The following PARS2 variants were observed in gnomAD, a reference collection of about 807,000 sequenced individuals.
PARS2 encodes the protein prolyl-tRNA synthetase 2, mitochondrial.
In PARS2, 20 loss-of-function variants were observed where a neutral mutation model predicts 27.4. That is an observed-to-expected ratio of 0.73 (90% CI 0.51 to 1.06). The LOEUF (loss-of-function observed/expected upper bound fraction) is 1.06, where lower values mean the gene tolerates loss of function less well. Among genes scored for constraint, PARS2 ranks in the 50% least tolerant of loss-of-function variants. The probability of loss-of-function intolerance (pLI) is 0.00; values close to 1 mark genes in which losing one functional copy is unlikely to be tolerated. For missense variants in PARS2, 585 were observed against 602.1 expected, an observed-to-expected ratio of 0.97 and a Z score of 0.30; for synonymous variants, 240 against 247.1, an observed-to-expected ratio of 0.97 and a Z score of 0.27.
In PARS2 at chr1:54,758,775, T is replaced by C. The variant is rs765798606; in HGVS notation, c.387A>G (p.Gln129=). The C allele has an allele frequency of 4.3e-6, 7 of 1,614,182 alleles. No homozygotes were observed. The highest frequency in any genetic ancestry group is 5.9e-6 in the Non-Finnish European group (7 of 1,180,022). The stretch of plus-strand genomic sequence containing the variant: ...CCATCAAGTCCCACCGGTTGGTGGC[T>C]TGCCAGAGCTCTGCCGGGCTGAGGC... ...MPSLSPAELW[Q]ATNRWDLMGK... The change falls in exon 2 of 2, where the codon CAA becomes CAG. Residue 129 remains glutamine (Q), a synonymous_variant. Coordinates refer to ENST00000371279, the MANE Select transcript of PARS2 (RefSeq NM_152268.4).
chr1:54,761,066 C>T (rs58303070), intron 1 of PARS2, among the ~76,000 whole-genome samples: 22,675 of 152,164 alleles, frequency 0.15, 1,745 homozygotes, highest in Middle Eastern at 0.22. Context: ...GTGTGAGCCA[C>T]TGCGCCCGGC....
rs1198009265 is a variant in PARS2, at chr1:54,758,382, C to G, written c.780G>C (p.Gln260His). 15 of 1,614,160 alleles carry G rather than the reference C, an allele frequency of 9.3e-6. No homozygotes were observed. The highest frequency in any genetic ancestry group is 1.2e-5 in the Non-Finnish European group (14 of 1,180,036). The part of the protein sequence containing the change: ...TIGGTVSHEF[Q>H]LPVDIGEDRL... ...GGTCCTCTCCAATATCCACTGGGAG[C>G]TGGAACTCATGAGACACTGTGCCCC... Residue 260 changes from glutamine (Q) to histidine (H), a missense_variant, in exon 2 of 2, where the codon CAG (glutamine) becomes CAC (histidine). By Grantham distance (24) the Gln-to-His change is conservative (BLOSUM62 0). Transcript: ENST00000371279.
At position 54,757,663 on chromosome 1, in the gene PARS2, G is replaced by A. The variant is rs531233796; in HGVS notation, c.*71C>T. ...TTCTGGAGAGAGCAGTCCAGGAAAG[G>A]GGTGTAGGAAAATGCAGTGTTAGAA... On this transcript the variant is annotated 3_prime_UTR_variant, in exon 2 of 2. Transcript: ENST00000371279. 2.0e-6 allele frequency: 2 copies of A among 980,226 alleles called. No homozygotes were observed. Among genetic ancestry groups the A allele is most frequent in the South Asian group, 1.5e-5 (1 of 64,628 alleles). 60.7% of individuals were successfully genotyped at this position (980,226 alleles called of 1,614,324 possible).
At chr1:54,762,926 G>A (rs910487985) in intron 1 of PARS2, among the ~76,000 whole-genome samples, 2 of 152,076 alleles carry the variant, frequency 1.3e-5, no homozygotes, top group Non-Finnish European at 2.9e-5. Context: ...TCCAGTCTCC[G>A]TATTAGTCTC....
chr1:54,759,267 T>C, intron 1 of PARS2, 77 bp from the exon 2 acceptor site: 2 of 833,232 alleles, frequency 2.4e-6, no homozygotes, highest in Non-Finnish European at 3.6e-6. Flanking sequence ...CAGCCTGCTC[T>C]CAACAAACTT....
rs1301002317 is a variant in PARS2 at position 54,759,118 on chromosome 1, G to T, written c.44C>A (p.Ala15Asp). The change falls in exon 2 of 2, where the codon GCC becomes GAC. Residue 15 changes from alanine (A) to aspartate (D), a missense_variant. Coordinates refer to ENST00000371279, the MANE Select transcript of PARS2 (RefSeq NM_152268.4). ...LTRCRALPALATCSRQLSGYV... is the reference protein window; with the variant it reads ...LTRCRALPALDTCSRQLSGYV... ...CCCAGAGAGCTGGCGGCTGCAGGTG[G>T]CCAGGGCGGGCAATGCTCTGCATCT... The T allele has an allele frequency of 1.2e-6, 2 of 1,610,034 alleles. No individual in the cohort carries two copies. Among genetic ancestry groups the T allele is most frequent in the South Asian group, 2.2e-5 (2 of 90,820 alleles).
chr1:54,759,770 C>G (rs1365540646), intron 1 of PARS2, among the ~76,000 whole-genome samples: 1 of 152,028 alleles, frequency 6.6e-6, no homozygotes, highest in Admixed American at 6.6e-5. Flanking sequence ...TTTTGGGAGG[C>G]CAAGATGGGC....
At chr1:54,762,282 G>C (rs1468459730) in intron 1 of PARS2, among the ~76,000 whole-genome samples, 1 of 152,112 alleles carries the variant, frequency 6.6e-6, no homozygotes, top group Non-Finnish European at 1.5e-5. Flanking sequence ...GGAATTACAG[G>C]CATGTGCCAC....
intron 1 of PARS2, 123 bp downstream of exon 1, chr1:54,764,338 G>A (rs1009976567): frequency 6.6e-6 from 1 of 152,252 alleles, no homozygotes; most frequent in African/African-American, 2.4e-5. Context: ...CCAACTCAAG[G>A]ACGGGATGCA....
rs1227720404 is a variant in PARS2 at position 54,758,383 on chromosome 1, TG to T, written c.778del (p.Gln260SerfsTer26). Reference protein sequence around the residue: ...TIGGTVSHEFQLPVDIGEDRL... With the variant: ...TIGGTVSHEFXLPVDIGEDRL... ...GTCCTCTCCAATATCCACTGGGAGC[TG>T]GAACTCATGAGACACTGTGCCCCCG... On this transcript the variant is annotated frameshift_variant, in exon 2 of 2. Coordinates refer to ENST00000371279, the MANE Select transcript of PARS2 (RefSeq NM_152268.4). LOFTEE classifies it high-confidence loss of function. The T allele has an allele frequency of 6.2e-7, 1 of 1,614,040 alleles. No individual in the cohort carries two copies. The highest frequency in any genetic ancestry group is 2.2e-5 in the East Asian group (1 of 44,898).
chr1:54,761,168 G>GATTACC (rs1646154701), intron 1 of PARS2, among the ~76,000 whole-genome samples: 1 of 152,016 alleles, frequency 6.6e-6, no homozygotes, highest in African/African-American at 2.4e-5. Context: ...TAGGCCTCAG[G>GATTACC]ATTACCATCC....
rs1366026976 is a variant in PARS2, at chr1:54,759,142, C to T, written c.20G>A (p.Arg7Lys). ...GGCCAGGGCGGGCAATGCTCTGCAT[C>T]TTGTCAGCAGCCCTTCCATGACACC... MEGLLT[R>K]CRALPALATC... is the part of the protein sequence containing the mutation. The change falls in exon 2 of 2, where the codon AGA (arginine) becomes AAA (lysine). Residue 7 changes from arginine to lysine, a missense_variant. Coordinates refer to ENST00000371279, the MANE Select transcript of PARS2 (RefSeq NM_152268.4). 9 of 1,594,776 alleles carry T rather than the reference C, an allele frequency of 5.6e-6. No individual in the cohort carries two copies. Among genetic ancestry groups the T allele is most frequent in the Non-Finnish European group, 7.7e-6 (9 of 1,166,546 alleles).
rs1646128141 is a variant in PARS2, at chr1:54,757,677, G to A, written c.*57C>T. 2.6e-6 allele frequency: 3 copies of A among 1,150,856 alleles called. No homozygotes were observed. Among genetic ancestry groups the A allele is most frequent in the Non-Finnish European group, 2.5e-6 (2 of 792,508 alleles). 71.3% of individuals were successfully genotyped at this position (1,150,856 alleles called of 1,614,324 possible). A position where few individuals can be genotyped will look rare whatever the true frequency, so the allele number is the denominator to read the frequency against. On this transcript the variant is annotated 3_prime_UTR_variant, in exon 2 of 2. Coordinates refer to ENST00000371279, the MANE Select transcript of PARS2 (RefSeq NM_152268.4). Reference sequence around the variant, plus strand: ...GTCCAGGAAAGGGGTGTAGGAAAATGCAGTGTTAGAACGAACACCAAGGCT... The same window carrying A: ...GTCCAGGAAAGGGGTGTAGGAAAATACAGTGTTAGAACGAACACCAAGGCT...
rs766039798 is a variant in PARS2 at position 54,757,934 on chromosome 1, G to C, written c.1228C>G (p.Leu410Val). 2 of 1,614,060 alleles carry C rather than the reference G, an allele frequency of 1.2e-6. No homozygotes were observed. Among genetic ancestry groups the C allele is most frequent in the Non-Finnish European group, 1.7e-6 (2 of 1,180,024 alleles). Reference sequence around the variant, plus strand: ...ATGGTCAGATGGGTCCTGTCGTCCAGGAGCACCTCCCCGTGAAGCTGAGGC... The same window carrying C: ...ATGGTCAGATGGGTCCTGTCGTCCACGAGCACCTCCCCGTGAAGCTGAGGC... The part of the protein sequence containing the change: ...AVPQLHGEVL[L>V]DDRTHLTIGN... The change falls in exon 2 of 2, where the codon CTG (leucine) becomes GTG (valine). Residue 410 changes from leucine to valine, a missense_variant. Leu to Val is a conservative substitution (Grantham distance 32). Transcript: ENST00000371279.
At chr1:54,760,135 GC>G (rs1365850161) in intron 1 of PARS2, among the ~76,000 whole-genome samples, 1 of 151,842 alleles carries the variant, frequency 6.6e-6, no homozygotes, top group Non-Finnish European at 1.5e-5. Context: ...TCCTCTACCT[GC>G]CCCCAATATT....
At chr1:54,762,020 C>T (rs748678099) in intron 1 of PARS2, among the ~76,000 whole-genome samples, 2 of 152,224 alleles carry the variant, frequency 1.3e-5, no homozygotes, top group Non-Finnish European at 2.9e-5. Flanking sequence ...AGTCCACCCC[C>T]TCCTTTCTGG....
rs555073085 is a variant in PARS2, at chr1:54,759,162, G to A, written c.-1C>T. ...TGCATCTTGTCAGCAGCCCTTCCAT[G>A]ACACCCTGGCACCGGGAAGCACAGG... On this transcript the variant is annotated 5_prime_UTR_variant, in exon 2 of 2. Transcript: ENST00000371279. 6.3e-7 allele frequency: 1 copy of A among 1,581,008 alleles called. No homozygotes were observed. The highest frequency in any genetic ancestry group is 8.6e-7 in the Non-Finnish European group (1 of 1,158,978).
chr1:54,759,787 C>A (rs1344007382), intron 1 of PARS2, among the ~76,000 whole-genome samples: 1 of 152,076 alleles, frequency 6.6e-6, no homozygotes, highest in Non-Finnish European at 1.5e-5. Flanking sequence ...GGGCAGATCA[C>A]CTGAGGTCAG....
intron 1 of PARS2, among the ~76,000 whole-genome samples, chr1:54,762,689 A>G (rs1646164137): frequency 6.6e-6 from 1 of 152,238 alleles, no homozygotes. Context: ...CATTCAGCAC[A>G]GTGCCTGGAC....
Sources: gnomAD v4.1 joint callset for allele counts (sites outside exome capture counted in the v4.1 genomes callset) on GRCh38, gnomAD v4.1.1 for gene constraint, MANE v1.5 for transcripts, NCBI Gene and HGNC (gene_info 2026-07-23, HGNC 2026-07-21) for gene names.